The following MYO15A variants were observed in gnomAD, a reference collection of about 807,000 sequenced individuals.
MYO15A encodes myosin XVA, also known as unconventional myosin-XV.
In MYO15A, 308 loss-of-function variants were observed where a neutral mutation model predicts 394.6. The observed-to-expected ratio is 0.78, with a 90% CI of 0.71 to 0.86. The LOEUF (loss-of-function observed/expected upper bound fraction) is 0.86. Among genes scored for constraint, MYO15A ranks in the 40% least tolerant of loss-of-function variants. The pLI, the probability that MYO15A is intolerant of heterozygous loss-of-function variation, is 0.00. For synonymous variants in MYO15A, 1,957 were observed against 2,003.8 expected (o/e 0.98, Z 0.62); for missense variants, 4,606 against 4,799.1 (o/e 0.96, Z 1.19).
In MYO15A at chr17:18,130,817, A is replaced by AGTGTGTGTGGGTGTGT. The variant is rs2046143381; in HGVS notation, c.4038+16_4038+17insGGTGTGTGTGTGTGTG. The AGTGTGTGTGGGTGTGT allele has an allele frequency of 8.9e-7, 1 of 1,118,330 alleles. No homozygotes were observed. Among genetic ancestry groups the AGTGTGTGTGGGTGTGT allele is most frequent in the African/African-American group, 2.2e-5 (1 of 45,458 alleles). The allele number at this position is 1,118,330 out of a possible 1,614,324, so 69.3% of individuals were successfully genotyped here. A position where few individuals can be genotyped will look rare whatever the true frequency, so the allele number is the denominator to read the frequency against. ...GACGCTCTTGAAGATAAAGGTACTC[A>AGTGTGTGTGGGTGTGT]GTGTGTGTGTGTGTGTGTGTGTGTG... On this transcript the variant is annotated splice_region_variant and intron_variant, in intron 8 of 65. Transcript: ENST00000647165.
intron 4 of MYO15A, among the ~76,000 whole-genome samples, chr17:18,125,963 G>A (rs77161539): frequency 0.019 from 2,908 of 152,280 alleles, 70 homozygotes; most frequent in East Asian, 0.11. Flanking sequence ...ACACCCAGAA[G>A]GGCTCTGGCC....
Position 18,119,816 on chromosome 17 carries a change from A to C in MYO15A, c.1016A>C (p.Tyr339Ser). ...GGGTACGAGGGCGAGGCGCACCCTT[A>C]TGGCTACTACCTGGATCCCTATGCG... ...HDGYEGEAHP[Y>S]GYYLDPYAPY... The change falls in exon 2 of 66, where the codon TAT becomes TCT. Residue 339 changes from tyrosine (Y) to serine (S), a missense_variant. Tyr to Ser is a moderately radical substitution (Grantham distance 144). Transcript: ENST00000647165. 6.2e-7 allele frequency: 1 copy of C among 1,613,000 alleles called. No homozygotes were observed.
At chr17:18,142,324 T>C in intron 24 of MYO15A, 70 bp downstream of exon 24, 1 of 1,541,066 alleles carries the variant, frequency 6.5e-7, no homozygotes, top group Non-Finnish European at 8.8e-7. Flanking sequence ...CGCCTGAACT[T>C]AGGTGGTGAG....
intron 29 of MYO15A, 148 bp downstream of exon 29, chr17:18,144,740 G>A: frequency 1.4e-6 from 1 of 727,630 alleles, no homozygotes; most frequent in East Asian, 2.7e-5. Flanking sequence ...ATGTCAGAGG[G>A]GGAAATCTGG....
rs761356987 is a variant in MYO15A at position 18,173,754 on chromosome 17, G to C, written c.10351-27G>C. On this transcript the variant is annotated intron_variant, in intron 64 of 65. Coordinates refer to ENST00000647165, the MANE Select transcript of MYO15A (RefSeq NM_016239.4). Reference sequence around the variant, plus strand: ...TGAGACTATCCTCGCCCACAGGCCTGTCCGGCCCCTCTCCTCCTACTCCCA... The same window carrying C: ...TGAGACTATCCTCGCCCACAGGCCTCTCCGGCCCCTCTCCTCCTACTCCCA... The C allele has an allele frequency of 3.1e-6, 5 of 1,613,730 alleles. No individual in the cohort carries two copies. The East Asian group carries it at 8.9e-5, about 29-fold the overall frequency.
Position 18,148,890 on chromosome 17 carries a change from A to T in MYO15A, c.6894A>T (p.Arg2298=), listed in dbSNP as rs1269332159. The T allele has an allele frequency of 6.2e-7, 1 of 1,607,902 alleles. No homozygotes were observed. Among genetic ancestry groups the T allele is most frequent in the Admixed American group, 1.7e-5 (1 of 59,280 alleles). The change falls in exon 33 of 66, where the codon CGA becomes CGT. Residue 2298 remains arginine, a synonymous_variant. Transcript: ENST00000647165. The surrounding 1 kb of genome is among the most constrained non-coding windows in gnomAD (Gnocchi z 4.8). The part of the protein sequence containing the change: ...SDLELLRDFP[R]QKSYFIVGTE... ...TGGAGCTGCTCAGGGACTTCCCTCG[A>T]CAGAAGTCCTACTTCATTGTGGGCA...
Position 18,143,745 on chromosome 17 carries a change from G to C in MYO15A, c.5995G>C (p.Gly1999Arg). 1 of 1,600,030 alleles carries C rather than the reference G, an allele frequency of 6.2e-7. No homozygotes were observed. The highest frequency in any genetic ancestry group is 2.3e-5 in the East Asian group (1 of 44,120). The part of the protein sequence containing the change: ...ELSKREVVAV[G>R]HLEVPAELAG... ...GAGCAAGCGGGAGGTAGTCGCTGTGGGGCACCTGGAGGTACCGGCTGAGCT... is the reference window on the plus strand; with the variant it reads ...GAGCAAGCGGGAGGTAGTCGCTGTGCGGCACCTGGAGGTACCGGCTGAGCT... Residue 1999 changes from glycine (G) to arginine (R), a missense_variant, in exon 27 of 66, where the codon GGG (glycine) becomes CGG (arginine). Around this residue, in one of 2 missense-constraint regions of MYO15A, gnomAD observed 2,776 missense variants for 3,109.3 expected, o/e 0.89. Coordinates refer to ENST00000647165, the MANE Select transcript of MYO15A (RefSeq NM_016239.4).
At chr17:18,142,902 A>T in intron 25 of MYO15A, 62 bp downstream of exon 25, 1 of 1,473,244 alleles carries the variant, frequency 6.8e-7, no homozygotes, top group Non-Finnish European at 9.3e-7. Flanking sequence ...GGCACTTAGC[A>T]CCCAAGAGGA....
At chr17:18,144,427 A>G in intron 28 of MYO15A, 70 bp from the exon 29 acceptor site, 2 of 1,385,882 alleles carry the variant, frequency 1.4e-6, no homozygotes, top group Non-Finnish European at 2.0e-6. Context: ...CCCATGTGGC[A>G]CAGAGCAGTG....
rs752816535 is a variant in MYO15A at position 18,141,116 on chromosome 17, G to A, written c.5504G>A (p.Arg1835His). The change falls in exon 22 of 66, where the codon CGC becomes CAC. Residue 1835 changes from arginine to histidine, a missense_variant. By Grantham distance (29) the Arg-to-His change is conservative (BLOSUM62 0). Coordinates refer to ENST00000647165, the MANE Select transcript of MYO15A (RefSeq NM_016239.4). ...VRIRKEGFPV[R>H]LPFQGFIDRY... ...ATCCGCAAGGAGGGATTTCCAGTGC[G>A]CCTGCCTTTCCAGGGGTTCATCGAC... The A allele has an allele frequency of 3.0e-5, 48 of 1,613,786 alleles. No homozygotes were observed. The highest frequency in any genetic ancestry group is 4.5e-5 in the East Asian group (2 of 44,882).
In MYO15A at chr17:18,121,085, C is replaced by T. The variant is rs1417665264; in HGVS notation, c.2285C>T (p.Pro762Leu). The change falls in exon 2 of 66, where the codon CCA becomes CTA. Residue 762 changes from proline to leucine, a missense_variant. Physicochemically the swap from Pro to Leu is moderately conservative, Grantham distance 98. Coordinates refer to ENST00000647165, the MANE Select transcript of MYO15A (RefSeq NM_016239.4). The surrounding 1 kb of genome is among the most constrained non-coding windows in gnomAD (Gnocchi z 5.3). ...GCTTTCGGCTTCCCCGGGGCCTCTC[C>T]ACGGGCGTCGCGGAGGCGAGCTTGG... ...GAAFGFPGAS[P>L]RASRRRAWSP... 1 of 1,504,856 alleles carries T rather than the reference C, an allele frequency of 6.6e-7. No homozygotes were observed. Among genetic ancestry groups the T allele is most frequent in the Middle Eastern group, 2.0e-4 (1 of 4,898 alleles). The allele number at this position is 1,504,856 out of a possible 1,614,324, so 93.2% of individuals were successfully genotyped here.
Position 18,159,326 on chromosome 17 carries a change from A to C in MYO15A, c.9208A>C (p.Met3070Leu). 3 of 1,614,170 alleles carry C rather than the reference A, an allele frequency of 1.9e-6. No individual in the cohort carries two copies. The highest frequency in any genetic ancestry group is 2.5e-6 in the Non-Finnish European group (3 of 1,180,028). Reference protein sequence around the residue: ...IELSDSSLSKMATDMFLAVMR... With the variant: ...IELSDSSLSKLATDMFLAVMR... The stretch of plus-strand genomic sequence containing the variant: ...ACTCAGCGACAGCAGCCTCAGCAAG[A>C]TGGCCACCGACATGTTCCTAGGTGT... Residue 3070 changes from methionine to leucine, a missense_variant, in exon 54 of 66, where the codon ATG (methionine) becomes CTG (leucine). Coordinates refer to ENST00000647165, the MANE Select transcript of MYO15A (RefSeq NM_016239.4).
rs1486185574 is a variant in MYO15A, at chr17:18,136,694, C to T, written c.4779+8C>T. On this transcript the variant is annotated splice_region_variant and intron_variant, in intron 15 of 65. Transcript: ENST00000647165. ...GACATCTATGGTTTCGAGGTGGGGC[C>T]GTGTAGGAGGCTGAGGGGCGGGGGA... 6.9e-6 allele frequency: 11 copies of T among 1,594,774 alleles called. No individual in the cohort carries two copies. Among genetic ancestry groups the T allele is most frequent in the Admixed American group, 5.2e-5 (3 of 57,788 alleles).
chr17:18,170,189 C>T (rs1176894726), intron 62 of MYO15A, among the ~76,000 whole-genome samples: 1 of 151,868 alleles, frequency 6.6e-6, no homozygotes, highest in Non-Finnish European at 1.5e-5. Flanking sequence ...ATGACAAGTT[C>T]CTAATGTGAT....
At position 18,132,203 on chromosome 17, in the gene MYO15A, T is replaced by C. The variant is rs755199175; in HGVS notation, c.4207-250T>C. Among the ~76,000 whole-genome samples the C allele has an allele frequency of 6.6e-6, 1 of 152,214 alleles. No homozygotes were observed. Among genetic ancestry groups the C allele is most frequent in the Non-Finnish European group, 1.5e-5 (1 of 68,044 alleles). On this transcript the variant is annotated intron_variant, in intron 10 of 65. Transcript: ENST00000647165. The surrounding 1 kb of genome is among the most constrained non-coding windows in gnomAD (Gnocchi z 4.6). Reference sequence around the variant, plus strand: ...TAAGAGAAGACGGGTCCCTTTTCTCTTATTTCTCCTAACCAAATAAAATCC... The same window carrying C: ...TAAGAGAAGACGGGTCCCTTTTCTCCTATTTCTCCTAACCAAATAAAATCC...
At chr17:18,135,959 G>T in intron 13 of MYO15A, 135 bp downstream of exon 13, 1 of 765,374 alleles carries the variant, frequency 1.3e-6, no homozygotes, top group Non-Finnish European at 2.2e-6. Flanking sequence ...ATGGAGGGGA[G>T]TAATTTCAGA....
At chr17:18,127,002 C>T (rs2046056952) in intron 6 of MYO15A, 73 bp from the exon 7 acceptor site, 1 of 1,601,882 alleles carries the variant, frequency 6.2e-7, no homozygotes, top group Non-Finnish European at 8.6e-7. Context: ...CCTCTTGCTT[C>T]ATGATGGGAG....
Position 18,160,067 on chromosome 17 carries a change from C to T in MYO15A, c.9386+50C>T, listed in dbSNP as rs756509690. The stretch of plus-strand genomic sequence containing the variant: ...CCATCCCCTCACTGTGTCCATGCTC[C>T]AGGAGGGACCAGTTCAGCCTCCCAC... On this transcript the variant is annotated intron_variant, in intron 56 of 65. Coordinates refer to ENST00000647165, the MANE Select transcript of MYO15A (RefSeq NM_016239.4). 1.7e-5 allele frequency: 27 copies of T among 1,558,474 alleles called. 1 individual carries two copies. In the South Asian group the frequency reaches 2.8e-4, roughly 16 times the overall value.
In MYO15A at chr17:18,136,417, G is replaced by A. The variant is rs1226996756; in HGVS notation, c.4597G>A (p.Glu1533Lys). Residue 1533 changes from glutamate to lysine, a missense_variant and splice_region_variant, in exon 14 of 66, where the codon GAG becomes AAG. Physicochemically the swap from Glu to Lys is moderately conservative, Grantham distance 56 (BLOSUM62 1). Coordinates refer to ENST00000647165, the MANE Select transcript of MYO15A (RefSeq NM_016239.4). ...LQKAITFKVT[E>K]TMREKIFTPL... is the part of the protein sequence containing the mutation. ...ACTCAAGGGCTGTGCCCGTCCCTAGGAGACAATGCGAGAGAAGATCTTCAC... is the reference window on the plus strand; with the variant it reads ...ACTCAAGGGCTGTGCCCGTCCCTAGAAGACAATGCGAGAGAAGATCTTCAC... The A allele has an allele frequency of 6.2e-7, 1 of 1,613,718 alleles. No individual in the cohort carries two copies. Among genetic ancestry groups the A allele is most frequent in the South Asian group, 1.1e-5 (1 of 91,080 alleles).
Sources: gnomAD v4.1 joint callset for allele counts (sites outside exome capture counted in the v4.1 genomes callset) on GRCh38, gnomAD v4.1.1 for gene constraint, gnomAD v4.1.1 regional missense constraint, Gnocchi (gnomAD v3.1) non-coding constraint, MANE v1.5 for transcripts, NCBI Gene and HGNC (gene_info 2026-07-23, HGNC 2026-07-21) for gene names.